Variants in ADCY2 observed in about 807,000 individuals in gnomAD.
ADCY2 encodes the protein adenylate cyclase type 2.
A neutral mutation model predicts 125.2 loss-of-function variants in ADCY2; 31 were observed. The observed-to-expected ratio is 0.25, with a 90% CI of 0.19 to 0.33. The LOEUF (loss-of-function observed/expected upper bound fraction) is 0.33. ADCY2 is among the 10% of genes least tolerant of loss of function. The pLI, the probability that ADCY2 is intolerant of heterozygous loss-of-function variation, is 1.00. For missense variants in ADCY2, 904 were observed against 1,418.2 expected, an observed-to-expected ratio of 0.64 and a Z score of 5.82; for synonymous variants, 512 against 548.4, an observed-to-expected ratio of 0.93 and a Z score of 0.93.
In ADCY2 at chr5:7,816,741, A is replaced by G. The variant is rs1745124299; in HGVS notation, c.2884-125A>G. On this transcript the variant is annotated intron_variant, in intron 22 of 24. Transcript: ENST00000338316. The stretch of plus-strand genomic sequence containing the variant: ...GATTTGATTCTTATAGAATGTTTGC[A>G]GTGCCTTGTAGCATTAGAATTTGCC... 4 of 692,052 alleles carry G rather than the reference A, an allele frequency of 5.8e-6. No individual in the cohort carries two copies. In the Admixed American group the frequency reaches 9.3e-5, roughly 16 times the overall value. The allele number at this position is 692,052 out of a possible 1,614,324, so 42.9% of individuals were successfully genotyped here. A position where few individuals can be genotyped will look rare whatever the true frequency, so the allele number is the denominator to read the frequency against.
At chr5:7,598,702 CCA>C (rs1435518233) in intron 3 of ADCY2, among the ~76,000 whole-genome samples, 1 of 152,128 alleles carries the variant, frequency 6.6e-6, no homozygotes, top group Non-Finnish European at 1.5e-5. Flanking sequence ...ATTGTGCTTC[CCA>C]GCCCCGTTGC....
intron 3 of ADCY2, among the ~76,000 whole-genome samples, chr5:7,598,728 G>A (rs1737095802): frequency 6.6e-6 from 1 of 152,142 alleles, no homozygotes; most frequent in Non-Finnish European, 1.5e-5. Flanking sequence ...CAGGTGACTT[G>A]ATTTCCAGTG....
chr5:7,437,224 T>C (rs1401815662), intron 2 of ADCY2, among the ~76,000 whole-genome samples: 2 of 152,196 alleles, frequency 1.3e-5, no homozygotes, highest in Non-Finnish European at 2.9e-5. Context: ...CAGCCTCCCC[T>C]GTGATCTTTT....
intron 2 of ADCY2, among the ~76,000 whole-genome samples, chr5:7,439,098 T>A (rs932861650): frequency 6.6e-6 from 1 of 152,236 alleles, no homozygotes; most frequent in Admixed American, 6.5e-5. Context: ...TAGGAAGACA[T>A]CATTGCCATG....
chr5:7,631,408 G>A (rs956792991), intron 4 of ADCY2, among the ~76,000 whole-genome samples: 12 of 152,094 alleles, frequency 7.9e-5, no homozygotes, highest in African/African-American at 2.9e-4. Context: ...ACCGAATAAA[G>A]AAACTGCTCA....
At chr5:7,587,199 C>CT (rs1736658735) in intron 3 of ADCY2, among the ~76,000 whole-genome samples, 1 of 152,136 alleles carries the variant, frequency 6.6e-6, no homozygotes, top group Admixed American at 6.5e-5. Flanking sequence ...CAACTCATCC[C>CT]TTGGGACTTA....
At chr5:7,809,275 G>A (rs1744860640) in intron 22 of ADCY2, among the ~76,000 whole-genome samples, 1 of 152,196 alleles carries the variant, frequency 6.6e-6, no homozygotes, top group Admixed American at 6.5e-5. Flanking sequence ...TGTGCTATTT[G>A]TGATTAGAGC....
At chr5:7,518,413 C>T (rs1240223920) in intron 2 of ADCY2, among the ~76,000 whole-genome samples, 3 of 152,148 alleles carry the variant, frequency 2.0e-5, no homozygotes, top group Non-Finnish European at 4.4e-5. Context: ...CATAAACGGT[C>T]TAAGACAATA....
rs1579453514 is a variant in ADCY2, at chr5:7,802,117, T to C, written c.2629-101T>C. Reference sequence around the variant, plus strand: ...GCAAGTGGAGTAGGCATTTGGGCGATGTCTGTGTGAATCCTGGCATAAACA... The same window carrying C: ...GCAAGTGGAGTAGGCATTTGGGCGACGTCTGTGTGAATCCTGGCATAAACA... On this transcript the variant is annotated intron_variant, in intron 20 of 24. Coordinates refer to ENST00000338316, the MANE Select transcript of ADCY2 (RefSeq NM_020546.3). This position sits in a 1 kb window ranked among gnomAD's most constrained non-coding sequence, Gnocchi z 4.6. The C allele has an allele frequency of 7.2e-7, 1 of 1,381,964 alleles. No homozygotes were observed. The allele number at this position is 1,381,964 out of a possible 1,614,324, so 85.6% of individuals were successfully genotyped here.
Position 7,804,667 on chromosome 5 carries a change from C to A in ADCY2, c.2858C>A (p.Ala953Asp). The A allele has an allele frequency of 1.9e-6, 3 of 1,614,172 alleles. No individual in the cohort carries two copies. Among genetic ancestry groups the A allele is most frequent in the Non-Finnish European group, 2.5e-6 (3 of 1,180,000 alleles). ...TACATGGCAGCAACAGGTCTGAGCG[C>A]TGTGCCCAGCCAGGAGCACTCCCAG... Reference protein sequence around the residue: ...STYMAATGLSAVPSQEHSQEP... With the variant: ...STYMAATGLSDVPSQEHSQEP... Residue 953 changes from alanine to aspartate, a missense_variant, in exon 22 of 25, where the codon GCT (alanine) becomes GAT (aspartate). Ala to Asp is a moderately radical substitution (Grantham distance 126). This residue lies in a region of ADCY2 where 181 missense variants were observed against 381.6 expected (regional missense o/e 0.47). Transcript: ENST00000338316.
At chr5:7,622,633 A>T (rs1030379805) in intron 3 of ADCY2, among the ~76,000 whole-genome samples, 2 of 152,238 alleles carry the variant, frequency 1.3e-5, no homozygotes, top group Non-Finnish European at 2.9e-5. Context: ...CAAGTGTGCC[A>T]GTAGAATGTG....
chr5:7,412,312 A>G (rs1012617598), intron 1 of ADCY2, among the ~76,000 whole-genome samples: 24 of 152,344 alleles, frequency 1.6e-4, no homozygotes, highest in African/African-American at 5.5e-4. Context: ...AAAAAAAGTC[A>G]TACTAGGAAA....
chr5:7,537,185 GT>G (rs1481767684), intron 3 of ADCY2, among the ~76,000 whole-genome samples: 3 of 152,118 alleles, frequency 2.0e-5, no homozygotes, highest in Non-Finnish European at 2.9e-5. Context: ...TATTTACTAT[GT>G]TTTAAAATCT....
At chr5:7,529,218 C>T (rs1006235046) in intron 3 of ADCY2, among the ~76,000 whole-genome samples, 1 of 133,294 alleles carries the variant, frequency 7.5e-6, no homozygotes, top group Non-Finnish European at 1.7e-5. Flanking sequence ...TTATCATGGC[C>T]TCTTCCTAGG....
intron 3 of ADCY2, among the ~76,000 whole-genome samples, chr5:7,524,740 C>T (rs1229139096): frequency 2.0e-5 from 3 of 152,174 alleles, no homozygotes; most frequent in Admixed American, 6.5e-5. Context: ...GGTGCATCCT[C>T]CCGGAGCGCA....
intron 2 of ADCY2, among the ~76,000 whole-genome samples, chr5:7,419,384 T>C (rs1579425624): frequency 6.6e-6 from 1 of 152,116 alleles, no homozygotes; most frequent in Admixed American, 6.5e-5. Context: ...GCCCCTGTTG[T>C]CCTCTCTCTG....
rs147158454 is a variant in ADCY2, at chr5:7,627,104, G to A, written c.720+788G>A. 4.2e-4 allele frequency among the ~76,000 whole-genome samples: 64 copies of A among 152,154 alleles called. No homozygotes were observed. The South Asian group carries it at 7.7e-3, about 18-fold the overall frequency. ...GCCTCCCCCTCATCGCCCCCTCACC[G>A]TGCTGTGCCATCACAGCACTTCCTA... On this transcript the variant is annotated intron_variant, in intron 4 of 24. Transcript: ENST00000338316.
intron 2 of ADCY2, among the ~76,000 whole-genome samples, chr5:7,507,304 A>G (rs376047222): frequency 0.1 from 13,375 of 128,198 alleles, 600 homozygotes; most frequent in Non-Finnish European, 0.12. Context: ...AGCCGGGCGT[A>G]GTGGCGGGCG....
intron 3 of ADCY2, among the ~76,000 whole-genome samples, chr5:7,589,511 A>AAAGAAAAAG (rs757777978): frequency 2.7e-5 from 3 of 110,368 alleles, no homozygotes; most frequent in Non-Finnish European, 5.9e-5. Flanking sequence ...AGAAAGAAAG[A>AAAGAAAAAG]AAAGAAAAGA....
Sources: gnomAD v4.1 joint callset for allele counts (sites outside exome capture counted in the v4.1 genomes callset) on GRCh38, gnomAD v4.1.1 for gene constraint, gnomAD v4.1.1 regional missense constraint, Gnocchi (gnomAD v3.1) non-coding constraint, MANE v1.5 for transcripts, NCBI Gene and HGNC (gene_info 2026-07-23, HGNC 2026-07-21) for gene names.